The following CSMD1 variants were observed in gnomAD, a reference collection of about 807,000 sequenced individuals.
The protein encoded by CSMD1 is CUB and sushi domain-containing protein 1.
A neutral mutation model predicts 417.5 loss-of-function variants in CSMD1; 213 were observed. The ratio of observed to expected loss-of-function variants is 0.51; its 90% CI spans 0.46 to 0.57. The LOEUF (loss-of-function observed/expected upper bound fraction) is 0.57, where lower values mean the gene tolerates loss of function less well. Ranked by LOEUF, CSMD1 falls within the 20% of genes least tolerant of loss-of-function variation. CSMD1 has a pLI of 0.00. For missense variants in CSMD1, 6,923 were observed against 4,529.7 expected (o/e 1.53, Z -15.17); for synonymous variants, 2,862 against 1,736.8 (o/e 1.65, Z -16.11).
chr8:4,137,866 AT>A (rs201920634), intron 3 of CSMD1, among the ~76,000 whole-genome samples: 28,745 of 77,036 alleles, frequency 0.37, 3,888 homozygotes, highest in Non-Finnish European at 0.45. Flanking sequence ...GCCTTACATT[AT>A]TTTTTTTAAT....
intron 1 of CSMD1, among the ~76,000 whole-genome samples, chr8:4,672,695 A>G (rs533680606): frequency 1.3e-5 from 2 of 152,168 alleles, no homozygotes; most frequent in Non-Finnish European, 2.9e-5. Context: ...AGGAAGTAAG[A>G]CTGCGCACAC....
At chr8:3,843,794 T>C (rs1183704211) in intron 5 of CSMD1, among the ~76,000 whole-genome samples, 1 of 152,190 alleles carries the variant, frequency 6.6e-6, no homozygotes, top group Non-Finnish European at 1.5e-5. Flanking sequence ...AAAATGTGCA[T>C]GAAAGTAATA....
At chr8:3,605,436 C>A (rs1315189126) in intron 8 of CSMD1, among the ~76,000 whole-genome samples, 1 of 152,154 alleles carries the variant, frequency 6.6e-6, no homozygotes, top group Non-Finnish European at 1.5e-5. Context: ...ATAATAAAAC[C>A]AATGCAGCAA....
rs759268228 is a variant in CSMD1, at chr8:4,530,314, C to CTTTTTTTTTTTTTT, written c.302+107014_302+107027dup. Among the ~76,000 whole-genome samples, 35 of 46,686 alleles carry CTTTTTTTTTTTTTT rather than the reference C, an allele frequency of 7.5e-4. 7 individuals carry two copies. The highest frequency in any genetic ancestry group is 2.2e-3 in the East Asian group (3 of 1,350). The allele number at this position is 46,686 out of a possible 152,430, so 30.6% of individuals were successfully genotyped here. On this transcript the variant is annotated intron_variant, in intron 2 of 69. Coordinates refer to ENST00000635120, the MANE Select transcript of CSMD1 (RefSeq NM_033225.6). ...TTCACAGTTTATCGTACAGGTAGTG[C>CTTTTTTTTTTTTTT]TTTTTTTTTTTTTTTTTTTTTTTTT...
chr8:4,873,445 TCCC>T (rs1802855111), intron 1 of CSMD1, among the ~76,000 whole-genome samples: 1 of 152,088 alleles, frequency 6.6e-6, no homozygotes, highest in Non-Finnish European at 1.5e-5. Context: ...CAGAGAATAT[TCCC>T]TTCTTGAGAA....
At chr8:3,912,364 A>C (rs754587865) in intron 5 of CSMD1, among the ~76,000 whole-genome samples, 2 of 152,216 alleles carry the variant, frequency 1.3e-5, no homozygotes, top group Admixed American at 6.5e-5. Context: ...TTTAGGATTT[A>C]CTACATTCAA....
At chr8:4,300,303 A>G (rs890789166) in intron 3 of CSMD1, among the ~76,000 whole-genome samples, 9 of 152,238 alleles carry the variant, frequency 5.9e-5, no homozygotes, top group Non-Finnish European at 1.3e-4. Flanking sequence ...ATGGGGAAAT[A>G]TGAGGGGACC....
intron 5 of CSMD1, among the ~76,000 whole-genome samples, chr8:3,844,855 T>C (rs914611000): frequency 1.3e-5 from 2 of 152,156 alleles, no homozygotes; most frequent in African/African-American, 4.8e-5. Flanking sequence ...GAAAAATGTC[T>C]CTTAAAATTT....
intron 2 of CSMD1, among the ~76,000 whole-genome samples, chr8:4,574,337 C>T (rs1001904169): frequency 1.2e-4 from 18 of 152,204 alleles, no homozygotes; most frequent in African/African-American, 3.6e-4. Context: ...CACCATCCCT[C>T]AACGGCGTAG....
chr8:3,442,853 C>T (rs1815079811), intron 12 of CSMD1, among the ~76,000 whole-genome samples: 1 of 151,454 alleles, frequency 6.6e-6, no homozygotes, highest in Non-Finnish European at 1.5e-5. Flanking sequence ...TATGTCTGTA[C>T]CTGGTTTTGG....
At chr8:4,421,590 G>T (rs1193010578) in intron 2 of CSMD1, among the ~76,000 whole-genome samples, 5 of 151,700 alleles carry the variant, frequency 3.3e-5, no homozygotes, top group East Asian at 3.9e-4. Flanking sequence ...AATAATCCAG[G>T]GGCCAAAGAG....
rs929114493 is a variant in CSMD1 at position 3,772,222 on chromosome 8, T to C, written c.819-18180A>G. Among the ~76,000 whole-genome samples, 51 of 136,834 alleles carry C rather than the reference T, an allele frequency of 3.7e-4. 1 individual carries two copies. Among genetic ancestry groups the C allele is most frequent in the African/African-American group, 1.4e-3 (51 of 37,630 alleles). The allele number at this position is 136,834 out of a possible 152,430, so 89.8% of individuals were successfully genotyped here. A position where few individuals can be genotyped will look rare whatever the true frequency, so the allele number is the denominator to read the frequency against. ...CACACACACACACACACACATATAA[T>C]ACACACACATATTTATATATAGATA... On this transcript the variant is annotated intron_variant, in intron 5 of 69. Transcript: ENST00000635120.
chr8:3,487,409 G>C (rs898356625), intron 11 of CSMD1, among the ~76,000 whole-genome samples: 1 of 152,028 alleles, frequency 6.6e-6, no homozygotes, highest in African/African-American at 2.4e-5. Context: ...CACCATGTTA[G>C]CCAGGATGGT....
At chr8:4,545,590 C>T (rs1015939520) in intron 2 of CSMD1, among the ~76,000 whole-genome samples, 3 of 152,134 alleles carry the variant, frequency 2.0e-5, no homozygotes, top group Admixed American at 1.3e-4. Flanking sequence ...GTGATACTGG[C>T]AACAGAAGCC....
chr8:4,400,497 C>G (rs569380692), intron 3 of CSMD1, among the ~76,000 whole-genome samples: 2 of 152,170 alleles, frequency 1.3e-5, no homozygotes, highest in Non-Finnish European at 2.9e-5. Context: ...AGCAACATCA[C>G]GAGTTCTAAA....
chr8:4,410,911 G>A (rs7822739), intron 3 of CSMD1, among the ~76,000 whole-genome samples: 5 of 152,158 alleles, frequency 3.3e-5, no homozygotes, highest in Non-Finnish European at 7.3e-5. Context: ...TAAGATCAAT[G>A]AATGTCTTTC....
chr8:3,419,211 G>GT (rs1813336866), intron 12 of CSMD1, among the ~76,000 whole-genome samples: 1 of 152,180 alleles, frequency 6.6e-6, no homozygotes, highest in South Asian at 2.1e-4. Flanking sequence ...GAGCACCTAA[G>GT]TGGTCATCCT....
chr8:3,506,981 A>G (rs1796853522), intron 10 of CSMD1, among the ~76,000 whole-genome samples: 1 of 152,220 alleles, frequency 6.6e-6, no homozygotes, highest in African/African-American at 2.4e-5. Context: ...TATCTTTGAT[A>G]TAGAGTTTCT....
intron 3 of CSMD1, among the ~76,000 whole-genome samples, chr8:4,274,734 C>G (rs1056358687): frequency 6.6e-6 from 1 of 152,096 alleles, no homozygotes; most frequent in African/African-American, 2.4e-5. Context: ...TTTCTTGTGT[C>G]TAAACTGCCT....
Sources: gnomAD v4.1 joint callset for allele counts (sites outside exome capture counted in the v4.1 genomes callset) on GRCh38, gnomAD v4.1.1 for gene constraint, MANE v1.5 for transcripts, NCBI Gene and HGNC (gene_info 2026-07-23, HGNC 2026-07-21) for gene names.